LMOD1: variants seen among roughly 807,000 people sequenced by gnomAD.
LMOD1 encodes leiomodin 1.
Under a neutral mutation model 36.5 loss-of-function variants are expected in LMOD1, and 8 were observed. The ratio of observed to expected loss-of-function variants is 0.22; its 90% CI spans 0.13 to 0.40. LMOD1 has a LOEUF of 0.40. LMOD1 is among the 10% of genes least tolerant of loss of function. LMOD1 has a pLI of 1.00. For missense variants in LMOD1, 630 were observed against 751.1 expected, an observed-to-expected ratio of 0.84 and a Z score of 1.88; for synonymous variants, 284 against 288.7, an observed-to-expected ratio of 0.98 and a Z score of 0.17.
At position 201,899,309 on chromosome 1, in the gene LMOD1, A is replaced by C; in HGVS notation, c.1704T>G (p.Pro568=). The stretch of plus-strand genomic sequence containing the variant: ...GGTCACGGGAGTTCTTCTCCTGGGC[A>C]GGGAGGACTTTGTCTCCCATCTTCC... The part of the protein sequence containing the change: ...TQRKMGDKVL[P]AQEKNSRDQL... The change falls in exon 2 of 3, where the codon CCT becomes CCG. Residue 568 remains proline (P), a synonymous_variant. Coordinates refer to ENST00000367288, the MANE Select transcript of LMOD1 (RefSeq NM_012134.3). This position sits in a 1 kb window ranked among gnomAD's most constrained non-coding sequence, Gnocchi z 6.3. 6.3e-7 allele frequency: 1 copy of C among 1,592,744 alleles called. No individual in the cohort carries two copies. Among genetic ancestry groups the C allele is most frequent in the Middle Eastern group, 1.7e-4 (1 of 5,992 alleles).
chr1:201,933,942 C>A (rs1388739693), intron 1 of LMOD1, among the ~76,000 whole-genome samples: 1 of 152,150 alleles, frequency 6.6e-6, no homozygotes, highest in Non-Finnish European at 1.5e-5. Context: ...TGGGAATTAG[C>A]CCCAGGTCCC....
At chr1:201,929,886 G>C (rs537800913) in intron 1 of LMOD1, among the ~76,000 whole-genome samples, 2 of 152,296 alleles carry the variant, frequency 1.3e-5, no homozygotes, top group South Asian at 4.1e-4. Context: ...GCCAGAACTT[G>C]CAGGAGGTGC....
intron 1 of LMOD1, among the ~76,000 whole-genome samples, chr1:201,929,896 C>G (rs1681890191): frequency 6.6e-6 from 1 of 152,144 alleles, no homozygotes; most frequent in South Asian, 2.1e-4. Context: ...GCAGGAGGTG[C>G]TTTGTGAACA....
chr1:201,946,466 G>A lies in LMOD1; in HGVS notation c.-126C>T. 9 of 954,246 alleles carry A rather than the reference G, an allele frequency of 9.4e-6. No homozygotes were observed. Among genetic ancestry groups the A allele is most frequent in the Non-Finnish European group, 1.4e-5 (9 of 641,002 alleles). 59.1% of individuals were successfully genotyped at this position (954,246 alleles called of 1,614,324 possible). ...GCAAACCTCCTGCTGGTCGAGGACT[G>A]CAGCTCCTTGGCCCTTCTGTGCTAC... On this transcript the variant is annotated 5_prime_UTR_variant, in exon 1 of 3. Coordinates refer to ENST00000367288, the MANE Select transcript of LMOD1 (RefSeq NM_012134.3).
intron 1 of LMOD1, among the ~76,000 whole-genome samples, chr1:201,901,759 G>T (rs1334124353): frequency 7.0e-6 from 1 of 143,554 alleles, no homozygotes; most frequent in Admixed American, 7.1e-5. Flanking sequence ...CTTATATTCT[G>T]TGCCCAAGGT....
chr1:201,912,098 G>A (rs1482594088), intron 1 of LMOD1, among the ~76,000 whole-genome samples: 1 of 152,210 alleles, frequency 6.6e-6, no homozygotes, highest in African/African-American at 2.4e-5. Context: ...CCTGGAAGGA[G>A]TGAAGGAAAG....
At chr1:201,922,494 T>G (rs1681722194) in intron 1 of LMOD1, among the ~76,000 whole-genome samples, 1 of 152,158 alleles carries the variant, frequency 6.6e-6, no homozygotes, top group Non-Finnish European at 1.5e-5. Flanking sequence ...CCACATATTT[T>G]ACGATTCCAT....
chr1:201,940,487 AC>A (rs1167929352), intron 1 of LMOD1, among the ~76,000 whole-genome samples: 11 of 151,768 alleles, frequency 7.2e-5, no homozygotes, highest in Non-Finnish European at 1.3e-4. Flanking sequence ...ACCCGGCCTA[AC>A]CAAGCTCTTA....
chr1:201,901,576 A>ATG (rs1681314838), intron 1 of LMOD1, among the ~76,000 whole-genome samples: 1 of 32,958 alleles, frequency 3.0e-5, no homozygotes, highest in Non-Finnish European at 5.6e-5. Flanking sequence ...ATATATATAT[A>ATG]TATATATACA....
At chr1:201,925,362 T>C (rs1277904116) in intron 1 of LMOD1, among the ~76,000 whole-genome samples, 1 of 152,196 alleles carries the variant, frequency 6.6e-6, no homozygotes, top group East Asian at 1.9e-4. Context: ...ATAACGTATG[T>C]GGAAGCCCAT....
Position 201,898,375 on chromosome 1 carries a change from C to T in LMOD1, c.1800G>A (p.Gln600=). The change falls in exon 3 of 3, where the codon CAG becomes CAA. Residue 600 remains glutamine, a synonymous_variant. Transcript: ENST00000367288. The part of the protein sequence containing the change: ...LKKVEVPKLL[Q] The stretch of plus-strand genomic sequence containing the variant: ...GATGGTGCCTGGCAGCCTGGTCCTA[C>T]TGAAGCAGTTTGGGCACTTCCACCT... The T allele has an allele frequency of 1.2e-6, 2 of 1,612,896 alleles. No homozygotes were observed. The highest frequency in any genetic ancestry group is 1.7e-6 in the Non-Finnish European group (2 of 1,179,538).
At position 201,945,979 on chromosome 1, in the gene LMOD1, C is replaced by A. The variant is rs555144825; in HGVS notation, c.261+101G>T. 8.1e-4 allele frequency: 996 copies of A among 1,225,594 alleles called. 5 individuals carry two copies. In the Middle Eastern group the frequency reaches 9.0e-3, roughly 11 times the overall value. The allele number at this position is 1,225,594 out of a possible 1,614,324, so 75.9% of individuals were successfully genotyped here. On this transcript the variant is annotated intron_variant, in intron 1 of 2. Transcript: ENST00000367288. ...CTGAAGCATTAAAATCCTTTGCCAA[C>A]AAGAACGTTTCTTCTAAGGAAGGAA...
In LMOD1 at chr1:201,946,127, A is replaced by G. The variant is rs1460728515; in HGVS notation, c.214T>C (p.Cys72Arg). ...ATAAGTTTCTTGGTCTCCTTTTCAC[A>G]GAAGTTGAGCATGGCCTCCCGGTTG... ...VYNREAMLNF[C>R]EKETKKLMQR... Residue 72 changes from cysteine (C) to arginine (R), a missense_variant, in exon 1 of 3, where the codon TGT (cysteine) becomes CGT (arginine). By Grantham distance (180) the Cys-to-Arg change is radical (BLOSUM62 -3). Around this residue, in one of 3 missense-constraint regions of LMOD1, gnomAD observed 405 missense variants for 400.6 expected, o/e 1.01. Transcript: ENST00000367288. 4 of 1,613,804 alleles carry G rather than the reference A, an allele frequency of 2.5e-6. No individual in the cohort carries two copies. The African/African-American group carries it at 5.3e-5, about 22-fold the overall frequency.
At chr1:201,928,848 TG>T (rs1243943836) in intron 1 of LMOD1, among the ~76,000 whole-genome samples, 2 of 151,590 alleles carry the variant, frequency 1.3e-5, no homozygotes, top group Non-Finnish European at 2.9e-5. Context: ...CCTGAATAGC[TG>T]GGATTACAGG....
rs569652232 is a variant in LMOD1 at position 201,913,857 on chromosome 1, C to A, written c.262-13106G>T. Among the ~76,000 whole-genome samples the A allele has an allele frequency of 1.8e-3, 267 of 152,148 alleles. 3 individuals are homozygous for A. The highest frequency in any genetic ancestry group is 6.1e-3 in the African/African-American group (255 of 41,500). On this transcript the variant is annotated intron_variant, in intron 1 of 2. Transcript: ENST00000367288. ...TATGTATATACCTTGATAATTTTAG[C>A]ATTTTATGTAAATTATACATAAAAT...
chr1:201,928,826 A>G (rs1298350374), intron 1 of LMOD1, among the ~76,000 whole-genome samples: 1 of 145,678 alleles, frequency 6.9e-6, no homozygotes, highest in African/African-American at 2.5e-5. Context: ...AACAATTCTC[A>G]TGCCTCAGCC....
At chr1:201,904,754 A>T (rs1681385792) in intron 1 of LMOD1, among the ~76,000 whole-genome samples, 1 of 152,190 alleles carries the variant, frequency 6.6e-6, no homozygotes, top group Non-Finnish European at 1.5e-5. Context: ...AATAGCCAGG[A>T]ATGAGAGGGG....
chr1:201,929,624 A>G (rs1195226687), intron 1 of LMOD1, among the ~76,000 whole-genome samples: 1 of 152,242 alleles, frequency 6.6e-6, no homozygotes, highest in Admixed American at 6.5e-5. Context: ...ATACAAAATC[A>G]TATTTTCAAA....
rs763315822 is a variant in LMOD1, at chr1:201,946,225, A to T, written c.116T>A (p.Val39Glu). Residue 39 changes from valine to glutamate, a missense_variant, in exon 1 of 3, where the codon GTG becomes GAG. By Grantham distance (121) the Val-to-Glu change is moderately radical. Transcript: ENST00000367288. ...CACGGGAACACTCCCGTCTGGGTCC[A>T]CCACGTCCAGCTCCTTCTCCAGCTC... is the stretch of plus-strand genomic sequence containing the variant. ...MEELEKELDVVDPDGSVPVGL... is the reference protein window; with the variant it reads ...MEELEKELDVEDPDGSVPVGL... 3.7e-6 allele frequency: 6 copies of T among 1,613,836 alleles called. No homozygotes were observed. In the African/African-American group the frequency reaches 4.0e-5, roughly 11 times the overall value.
Sources: allele counts gnomAD v4.1 joint callset (sites outside exome capture counted in the v4.1 genomes callset), GRCh38; gene constraint gnomAD v4.1.1; regional missense constraint gnomAD v4.1.1; non-coding constraint Gnocchi (gnomAD v3.1); transcripts MANE v1.5; gene names NCBI Gene and HGNC (gene_info 2026-07-23, HGNC 2026-07-21).